TBXAS1: variants seen among roughly 807,000 people sequenced by gnomAD.
TBXAS1 encodes the protein thromboxane-A synthase.
In TBXAS1, 48 loss-of-function variants were observed where a neutral mutation model predicts 60.7. The observed-to-expected ratio is 0.79, with a 90% CI of 0.63 to 1.01. The LOEUF (loss-of-function observed/expected upper bound fraction) is 1.01, where lower values mean the gene tolerates loss of function less well. Among genes scored for constraint, TBXAS1 ranks in the 50% least tolerant of loss-of-function variants. The pLI, the probability that TBXAS1 is intolerant of heterozygous loss-of-function variation, is 0.00. For missense variants in TBXAS1, 685 were observed against 686.3 expected (o/e 1.00, Z 0.02); for synonymous variants, 287 against 269.7 (o/e 1.06, Z -0.63).
At chr7:139,894,648 T>C (rs930405310) in intron 3 of TBXAS1, among the ~76,000 whole-genome samples, 2 of 152,214 alleles carry the variant, frequency 1.3e-5, no homozygotes, top group African/African-American at 4.8e-5. Context: ...CTTTCTACCA[T>C]CGGTTCTCCA....
At chr7:139,938,636 G>T (rs367991622) in intron 5 of TBXAS1, among the ~76,000 whole-genome samples, 41 of 152,298 alleles carry the variant, frequency 2.7e-4, no homozygotes, top group East Asian at 2.5e-3. Flanking sequence ...CCACTAAAAG[G>T]TTGAGTCAGC....
chr7:140,001,908 C>T (rs1813699361), intron 9 of TBXAS1, among the ~76,000 whole-genome samples: 1 of 152,298 alleles, frequency 6.6e-6, no homozygotes, highest in South Asian at 2.1e-4. Flanking sequence ...TGGACATTGT[C>T]GCTTCCTCCT....
chr7:139,986,984 C>G (rs1345009745), intron 9 of TBXAS1, among the ~76,000 whole-genome samples: 1 of 151,996 alleles, frequency 6.6e-6, no homozygotes, highest in Non-Finnish European at 1.5e-5. Context: ...ATCCCCCAGG[C>G]TATCTGTAAG....
chr7:139,971,804 T>C (rs1811217430), intron 9 of TBXAS1, among the ~76,000 whole-genome samples: 1 of 152,090 alleles, frequency 6.6e-6, no homozygotes, highest in Admixed American at 6.5e-5. Context: ...TTCTCTGTTG[T>C]CTTTCCTCTT....
chr7:139,985,782 G>A (rs1017938660), intron 9 of TBXAS1, among the ~76,000 whole-genome samples: 3 of 152,212 alleles, frequency 2.0e-5, no homozygotes, highest in Non-Finnish European at 2.9e-5. Context: ...TGTCCAGCAC[G>A]GAACTGGAGC....
chr7:139,988,465 G>A (rs1812660451), intron 9 of TBXAS1, among the ~76,000 whole-genome samples: 2 of 152,162 alleles, frequency 1.3e-5, no homozygotes, highest in African/African-American at 4.8e-5. Context: ...GAAGCTCCTT[G>A]GCCTACCAGC....
intron 4 of TBXAS1, among the ~76,000 whole-genome samples, chr7:139,813,462 TC>T (rs1436762142): frequency 6.6e-6 from 1 of 152,216 alleles, no homozygotes; most frequent in African/African-American, 2.4e-5. Flanking sequence ...GAGGACGACT[TC>T]CTGACAAATG....
rs113525365 is a variant in TBXAS1, at chr7:139,959,463, C to T, written c.819+1699C>T. On this transcript the variant is annotated intron_variant, in intron 8 of 12. Coordinates refer to ENST00000448866, the MANE Select transcript of TBXAS1 (RefSeq NM_001061.7). ...ACCATAAACCAGCACCGTTTCAGTCCTCAATGGGCAGTGTTCAGATAGCCT... is the reference window on the plus strand; with the variant it reads ...ACCATAAACCAGCACCGTTTCAGTCTTCAATGGGCAGTGTTCAGATAGCCT... 5.6e-3 allele frequency among the ~76,000 whole-genome samples: 851 copies of T among 152,228 alleles called. 11 individuals carry two copies. The highest frequency in any genetic ancestry group is 0.034 in the Middle Eastern group (10 of 292).
intron 4 of TBXAS1, among the ~76,000 whole-genome samples, 183 bp downstream of exon 4, chr7:139,911,504 G>A (rs898184070): frequency 1.1e-4 from 17 of 152,170 alleles, no homozygotes; most frequent in African/African-American, 3.6e-4. Context: ...GTACAAAAGA[G>A]TAACATTTAC....
upstream of TBXAS1, among the ~76,000 whole-genome samples, chr7:139,826,992 C>T (rs150230526): frequency 7.4e-4 from 113 of 152,126 alleles, no homozygotes; most frequent in African/African-American, 2.4e-3. Context: ...AGGTGTGGTC[C>T]TCCTTTCCCC....
At chr7:139,869,554 T>A (rs1584725923) in intron 1 of TBXAS1, among the ~76,000 whole-genome samples, 1 of 152,094 alleles carries the variant, frequency 6.6e-6, no homozygotes, top group Non-Finnish European at 1.5e-5. Flanking sequence ...CCCCTGGCTA[T>A]TTTTTTGCAT....
intron 9 of TBXAS1, among the ~76,000 whole-genome samples, chr7:139,977,988 T>G (rs1464373971): frequency 2.6e-5 from 4 of 152,166 alleles, no homozygotes; most frequent in African/African-American, 9.7e-5. Flanking sequence ...TTCAGTGGTG[T>G]TGTTTCTGGG....
intron 9 of TBXAS1, among the ~76,000 whole-genome samples, chr7:140,006,018 C>A (rs17161336): frequency 0.016 from 2,435 of 152,306 alleles, 63 homozygotes; most frequent in African/African-American, 0.056. Context: ...GCTCCCCCTG[C>A]AGACGGAGGA....
chr7:139,847,415 T>C lies in TBXAS1; in HGVS notation c.89+17936T>C, dbSNP rs537060143. Among the ~76,000 whole-genome samples the C allele has an allele frequency of 3.3e-5, 5 of 152,304 alleles. No individual in the cohort carries two copies. The East Asian group carries it at 9.6e-4, about 29-fold the overall frequency. ...CAGATCTTTTGTTTCCTGCTCACTC[T>C]CATCCAAGCCCTTACCCACATCATT... On this transcript the variant is annotated intron_variant, in intron 1 of 12. Transcript: ENST00000448866.
At chr7:140,009,451 C>T (rs1263700976) in intron 10 of TBXAS1, among the ~76,000 whole-genome samples, 1 of 152,142 alleles carries the variant, frequency 6.6e-6, no homozygotes, top group Non-Finnish European at 1.5e-5. Context: ...GTAGTGCCCG[C>T]TCAGCTGCCT....
chr7:140,019,819 GT>G (rs1815408010), intron 12 of TBXAS1, among the ~76,000 whole-genome samples: 1 of 152,194 alleles, frequency 6.6e-6, no homozygotes, highest in African/African-American at 2.4e-5. Flanking sequence ...GCATTGCTCA[GT>G]TACTGGCCAG....
intron 1 of TBXAS1, among the ~76,000 whole-genome samples, chr7:139,849,399 AC>A (rs1296193409): frequency 2.2e-5 from 3 of 135,486 alleles, no homozygotes; most frequent in Admixed American, 8.1e-5. Context: ...ACAAAAAACA[AC>A]AAAAAAAAAA....
chr7:139,982,928 C>A (rs191077256), intron 9 of TBXAS1, among the ~76,000 whole-genome samples: 1 of 152,146 alleles, frequency 6.6e-6, no homozygotes, highest in Non-Finnish European at 1.5e-5. Context: ...CCCAACCCTG[C>A]GTTTTCTGGT....
intron 4 of TBXAS1, among the ~76,000 whole-genome samples, chr7:139,930,078 C>A (rs1365930248): frequency 1.3e-5 from 2 of 152,198 alleles, no homozygotes; most frequent in South Asian, 4.1e-4. Context: ...TCCAGCCGCG[C>A]CACATCCTTA....
Sources: allele counts gnomAD v4.1 joint callset (sites outside exome capture counted in the v4.1 genomes callset), GRCh38; gene constraint gnomAD v4.1.1; transcripts MANE v1.5; gene names NCBI Gene and HGNC (gene_info 2026-07-23, HGNC 2026-07-21).